The following BACE2 variants were observed in gnomAD, a reference collection of about 807,000 sequenced individuals.
BACE2 encodes beta-secretase 2.
BACE2 carries 17 observed loss-of-function variants against 46.2 expected under a neutral mutation model. That is an observed-to-expected ratio of 0.37 (90% confidence interval 0.25 to 0.55). The LOEUF (loss-of-function observed/expected upper bound fraction) is 0.55, where lower values mean the gene tolerates loss of function less well. Ranked by LOEUF, BACE2 falls within the 20% of genes least tolerant of loss-of-function variation. BACE2 has a pLI of 0.82. For synonymous variants in BACE2, 277 were observed against 295.9 expected, an observed-to-expected ratio of 0.94 and a Z score of 0.66; for missense variants, 595 against 698.1, an observed-to-expected ratio of 0.85 and a Z score of 1.66.
At chr21:41,224,545 A>G (rs1295158802) in intron 1 of BACE2, among the ~76,000 whole-genome samples, 1 of 152,204 alleles carries the variant, frequency 6.6e-6, no homozygotes, top group Non-Finnish European at 1.5e-5. Context: ...CTTTTGGGCT[A>G]TATCTACGTG....
At chr21:41,228,809 G>A (rs899447895) in intron 2 of BACE2, among the ~76,000 whole-genome samples, 4 of 152,194 alleles carry the variant, frequency 2.6e-5, no homozygotes, top group African/African-American at 9.7e-5. Context: ...TTTCCAGAAT[G>A]GACAAGAATC....
chr21:41,237,030 C>T (rs1409520527), intron 2 of BACE2, among the ~76,000 whole-genome samples: 3 of 152,194 alleles, frequency 2.0e-5, no homozygotes, highest in Non-Finnish European at 4.4e-5. Flanking sequence ...ACTTTGTTAA[C>T]ATTGATGCTG....
chr21:41,221,594 A>G (rs780322496), intron 1 of BACE2, among the ~76,000 whole-genome samples: 4,449 of 152,122 alleles, frequency 0.029, 162 homozygotes, highest in African/African-American at 0.086. Context: ...GGGAGGCCGC[A>G]GAGGGTGGAT....
chr21:41,183,172 G>C (rs1985208973), intron 1 of BACE2: 1 of 165,414 alleles, frequency 6.0e-6, no homozygotes, highest in Non-Finnish European at 1.5e-5. Context: ...ACTTTATCTA[G>C]ATCACCGAGA....
chr21:41,255,612 AGCAGG>A (rs1203152324), intron 7 of BACE2, among the ~76,000 whole-genome samples: 1 of 152,158 alleles, frequency 6.6e-6, no homozygotes, highest in African/African-American at 2.4e-5. Flanking sequence ...GCCTCGAGGG[AGCAGG>A]GACTGTGTGT....
At chr21:41,242,003 T>C (rs1987308166) in intron 4 of BACE2, 56 bp downstream of exon 4, 3 of 1,605,788 alleles carry the variant, frequency 1.9e-6, no homozygotes, top group African/African-American at 2.7e-5. Context: ...GGGCTGTTTT[T>C]TTCTGTTTTA....
At chr21:41,186,707 G>T (rs958938596) in intron 1 of BACE2, 2 of 152,284 alleles carry the variant, frequency 1.3e-5, no homozygotes, top group Non-Finnish European at 2.9e-5. Flanking sequence ...CAGCTTTCAT[G>T]GAAGCAGCTG....
intron 2 of BACE2, among the ~76,000 whole-genome samples, chr21:41,229,695 T>C (rs1747805204): frequency 6.6e-6 from 1 of 152,242 alleles, no homozygotes; most frequent in Non-Finnish European, 1.5e-5. Context: ...GGTTGAGCTG[T>C]GGTTCTCTTT....
chr21:41,197,853 C>G (rs1985795330), intron 1 of BACE2, among the ~76,000 whole-genome samples: 1 of 152,204 alleles, frequency 6.6e-6, no homozygotes, highest in African/African-American at 2.4e-5. Context: ...GCTGGTCCCC[C>G]ACTGTGTGCC....
chr21:41,197,952 GA>G (rs1167990212), intron 1 of BACE2, among the ~76,000 whole-genome samples: 4 of 152,160 alleles, frequency 2.6e-5, no homozygotes, highest in African/African-American at 9.7e-5. Context: ...ATAAGGGGTA[GA>G]TATATACACA....
At chr21:41,196,204 A>G (rs1013859710) in intron 1 of BACE2, among the ~76,000 whole-genome samples, 1 of 152,118 alleles carries the variant, frequency 6.6e-6, no homozygotes, top group Non-Finnish European at 1.5e-5. Flanking sequence ...AGGCTGAGGC[A>G]TGAGAATTGC....
chr21:41,223,731 T>C (rs2123569109), intron 1 of BACE2, among the ~76,000 whole-genome samples: 1 of 152,312 alleles, frequency 6.6e-6, no homozygotes, highest in Middle Eastern at 3.4e-3. Flanking sequence ...AGCATCTCTT[T>C]TTGGAAAACA....
At chr21:41,198,742 T>A (rs1356705165) in intron 1 of BACE2, among the ~76,000 whole-genome samples, 1 of 152,170 alleles carries the variant, frequency 6.6e-6, no homozygotes, top group Non-Finnish European at 1.5e-5. Flanking sequence ...GTTTTTAATT[T>A]TAGTATGAGT....
intron 8 of BACE2, among the ~76,000 whole-genome samples, chr21:41,258,043 G>A (rs898665160): frequency 2.6e-5 from 4 of 152,218 alleles, no homozygotes; most frequent in Admixed American, 1.3e-4. Flanking sequence ...AATCACAGAA[G>A]TGGGCATGAG....
rs1440058878 is a variant in BACE2 at position 41,278,552 on chromosome 21, C to T, written c.*2928C>T. Reference sequence around the variant, plus strand: ...GGACCTTGCCTGATTCATGGTGAAACACAGAGGTTTTGGTTGGAGATAAAT... The same window carrying T: ...GGACCTTGCCTGATTCATGGTGAAATACAGAGGTTTTGGTTGGAGATAAAT... On this transcript the variant is annotated 3_prime_UTR_variant, in exon 9 of 9. Transcript: ENST00000330333. 6.6e-6 allele frequency: 1 copy of T among 152,192 alleles called. No individual in the cohort carries two copies. The highest frequency in any genetic ancestry group is 6.5e-5 in the Admixed American group (1 of 15,276). 9.4% of individuals were successfully genotyped at this position (152,192 alleles called of 1,614,324 possible). A position where few individuals can be genotyped will look rare whatever the true frequency, so the allele number is the denominator to read the frequency against.
intron 8 of BACE2, among the ~76,000 whole-genome samples, chr21:41,273,903 G>A (rs2088458181): frequency 6.6e-6 from 1 of 152,220 alleles, no homozygotes; most frequent in Non-Finnish European, 1.5e-5. Flanking sequence ...CTTCTGCCAT[G>A]GCTTTGGCCA....
chr21:41,228,746 A>G (rs1311773211), intron 2 of BACE2, among the ~76,000 whole-genome samples: 1 of 152,186 alleles, frequency 6.6e-6, no homozygotes, highest in Non-Finnish European at 1.5e-5. Flanking sequence ...TCAAATTTCA[A>G]CATGAGAATT....
chr21:41,172,513 C>A (rs1984641581), intron 1 of BACE2, among the ~76,000 whole-genome samples: 1 of 152,208 alleles, frequency 6.6e-6, no homozygotes, highest in Non-Finnish European at 1.5e-5. Flanking sequence ...TGTCCAGGGC[C>A]ACACTAGTGA....
rs1238033996 is a variant in BACE2, at chr21:41,278,234, C to G, written c.*2610C>G. On this transcript the variant is annotated 3_prime_UTR_variant, in exon 9 of 9. Coordinates refer to ENST00000330333, the MANE Select transcript of BACE2 (RefSeq NM_012105.5). ...AAGTCTGATGGGAAATGAATAGATG[C>G]TGCTTTATTTCCTTGATAACTTCTT... The G allele has an allele frequency of 1.3e-5, 2 of 152,210 alleles. No individual in the cohort carries two copies. Among genetic ancestry groups the G allele is most frequent in the African/African-American group, 4.8e-5 (2 of 41,448 alleles). 9.4% of individuals were successfully genotyped at this position (152,210 alleles called of 1,614,324 possible).
Sources: allele counts gnomAD v4.1 joint callset (sites outside exome capture counted in the v4.1 genomes callset), GRCh38; gene constraint gnomAD v4.1.1; transcripts MANE v1.5; gene names NCBI Gene and HGNC (gene_info 2026-07-23, HGNC 2026-07-21).